Variants in ERGIC2 observed in about 807,000 individuals in gnomAD.
ERGIC2 encodes the protein ERGIC and golgi 2.
In ERGIC2, 31 loss-of-function variants were observed where a neutral mutation model predicts 52.5. The observed-to-expected ratio is 0.59, with a 90% CI of 0.44 to 0.80. The LOEUF is 0.80. Ranked by LOEUF, ERGIC2 falls within the 30% of genes least tolerant of loss-of-function variation. The pLI is 0.00. For missense variants in ERGIC2, 395 were observed against 455.2 expected, an observed-to-expected ratio of 0.87 and a Z score of 1.20; for synonymous variants, 129 against 140.6, an observed-to-expected ratio of 0.92 and a Z score of 0.58.
chr12:29,364,563 C>T (rs1271044496), intron 5 of ERGIC2, among the ~76,000 whole-genome samples: 1 of 152,000 alleles, frequency 6.6e-6, no homozygotes, highest in Non-Finnish European at 1.5e-5. Context: ...ATGACTATGT[C>T]CCCACAAGCA....
intron 7 of ERGIC2, 36 bp downstream of exon 7, chr12:29,357,587 T>A (rs1399415621): frequency 1.9e-6 from 2 of 1,068,868 alleles, no homozygotes; most frequent in Non-Finnish European, 2.8e-6. Context: ...AGTAAATTCA[T>A]AATAAACAGT....
Position 29,341,015 on chromosome 12 carries a change from T to C in ERGIC2, c.*141A>G. ...TAGAATTTCAGTTTGGGTTTTTTTA[T>C]CCTTTTTTTTCTTTTTTAAAATAAG... is the stretch of plus-strand genomic sequence containing the variant. On this transcript the variant is annotated 3_prime_UTR_variant, in exon 14 of 14. Transcript: ENST00000360150. The C allele has an allele frequency of 1.4e-6, 1 of 695,430 alleles. No individual in the cohort carries two copies. 43.1% of individuals were successfully genotyped at this position (695,430 alleles called of 1,614,324 possible). A position where few individuals can be genotyped will look rare whatever the true frequency, so the allele number is the denominator to read the frequency against.
chr12:29,363,070 C>T (rs999240402), intron 5 of ERGIC2, among the ~76,000 whole-genome samples: 5 of 152,178 alleles, frequency 3.3e-5, no homozygotes, highest in African/African-American at 4.8e-5. Flanking sequence ...TCCTAACCAC[C>T]TCGTGAATTT....
chr12:29,359,818 C>T (rs1354458743), intron 6 of ERGIC2, among the ~76,000 whole-genome samples: 1 of 151,848 alleles, frequency 6.6e-6, no homozygotes, highest in Non-Finnish European at 1.5e-5. Context: ...TATATAAAGC[C>T]TTTATAAGTG....
At chr12:29,355,066 A>G (rs1462407451) in intron 8 of ERGIC2, among the ~76,000 whole-genome samples, 1 of 152,190 alleles carries the variant, frequency 6.6e-6, no homozygotes. Context: ...TGTATTTTAT[A>G]AACTTCCAGC....
rs1417376056 is a variant in ERGIC2, at chr12:29,338,899, A to G, written c.*2257T>C. ...TGTAAAACAAAAAGGAGAATTGGGT[A>G]ACAAAGTAGGGTATCCTGGCTGGAG... On this transcript the variant is annotated 3_prime_UTR_variant, in exon 14 of 14. Coordinates refer to ENST00000360150, the MANE Select transcript of ERGIC2 (RefSeq NM_016570.3). The G allele has an allele frequency of 6.6e-6, 1 of 152,208 alleles. No homozygotes were observed. The highest frequency in any genetic ancestry group is 2.4e-5 in the African/African-American group (1 of 41,464). The allele number at this position is 152,208 out of a possible 1,614,324, so 9.4% of individuals were successfully genotyped here.
At chr12:29,368,117 C>A (rs1014416007) in intron 4 of ERGIC2, 124 bp downstream of exon 4, 1 of 654,934 alleles carries the variant, frequency 1.5e-6, no homozygotes, top group Non-Finnish European at 2.7e-6. Flanking sequence ...TTAAATAATA[C>A]CACAGTAAAA....
At position 29,338,627 on chromosome 12, in the gene ERGIC2, G is replaced by C. The variant is rs922706693; in HGVS notation, c.*2529C>G. The C allele has an allele frequency of 6.6e-6, 1 of 151,840 alleles. No individual in the cohort carries two copies. Among genetic ancestry groups the C allele is most frequent in the Non-Finnish European group, 1.5e-5 (1 of 68,028 alleles). 9.4% of individuals were successfully genotyped at this position (151,840 alleles called of 1,614,324 possible). A position where few individuals can be genotyped will look rare whatever the true frequency, so the allele number is the denominator to read the frequency against. On this transcript the variant is annotated 3_prime_UTR_variant, in exon 14 of 14. Transcript: ENST00000360150. The stretch of plus-strand genomic sequence containing the variant: ...CCACTGCACTTCAGCCTGGGCAACA[G>C]TGCGAGACCCCATCTCTTAAAAAAA...
Position 29,370,094 on chromosome 12 carries a change from A to C in ERGIC2, c.215+20T>G. The C allele has an allele frequency of 6.7e-7, 1 of 1,490,510 alleles. No individual in the cohort carries two copies. Among genetic ancestry groups the C allele is most frequent in the Non-Finnish European group, 8.9e-7 (1 of 1,129,780 alleles). 92.3% of individuals were successfully genotyped at this position (1,490,510 alleles called of 1,614,324 possible). On this transcript the variant is annotated intron_variant, in intron 3 of 13. Transcript: ENST00000360150. The stretch of plus-strand genomic sequence containing the variant: ...ACAATTTGAATCTAAAGGTATTCCA[A>C]GAAGAAAAAAAATGATTACCTAGAA...
intron 1 of ERGIC2, among the ~76,000 whole-genome samples, chr12:29,379,388 A>G (rs1940556379): frequency 6.6e-6 from 1 of 152,124 alleles, no homozygotes; most frequent in Non-Finnish European, 1.5e-5. Context: ...TTAGTCATTA[A>G]AAGAGGATAA....
chr12:29,365,864 T>C (rs1940354838), intron 5 of ERGIC2, among the ~76,000 whole-genome samples: 1 of 151,874 alleles, frequency 6.6e-6, no homozygotes, highest in African/African-American at 2.4e-5. Context: ...ATTTTTTGAG[T>C]GGGAAAACGA....
intron 2 of ERGIC2, 126 bp from the exon 3 acceptor site, chr12:29,370,348 T>A (rs1940424278): frequency 1.9e-6 from 2 of 1,055,618 alleles, no homozygotes; most frequent in African/African-American, 3.4e-5. Flanking sequence ...TCCATTTGAA[T>A]GCATACTATA....
At chr12:29,377,529 G>T (rs1940530897) in intron 1 of ERGIC2, among the ~76,000 whole-genome samples, 2 of 152,156 alleles carry the variant, frequency 1.3e-5, no homozygotes, top group South Asian at 4.1e-4. Flanking sequence ...TGAAAAGAAA[G>T]AAGTCTGTAA....
chr12:29,370,021 T>C (rs1188164209), intron 3 of ERGIC2, 93 bp downstream of exon 3: 1 of 1,195,534 alleles, frequency 8.4e-7, no homozygotes, highest in Non-Finnish European at 1.1e-6. Flanking sequence ...ACAAACCAAA[T>C]CTAGAAGGTT....
intron 12 of ERGIC2, among the ~76,000 whole-genome samples, chr12:29,342,695 T>C (rs1033006202): frequency 1.3e-5 from 2 of 152,244 alleles, no homozygotes; most frequent in Non-Finnish European, 2.9e-5. Flanking sequence ...TTTTACATAC[T>C]GTACAGTTAA....
chr12:29,368,701 T>C (rs1940398081), intron 3 of ERGIC2, among the ~76,000 whole-genome samples: 1 of 151,972 alleles, frequency 6.6e-6, no homozygotes, highest in Admixed American at 6.6e-5. Context: ...AGCATGATGC[T>C]AGATGTTCTA....
Position 29,357,492 on chromosome 12 carries a change from A to G in ERGIC2, c.476+131T>C, listed in dbSNP as rs1292295198. The G allele has an allele frequency of 1.0e-5, 6 of 596,986 alleles. No individual in the cohort carries two copies. The Admixed American group carries it at 2.1e-4, about 21-fold the overall frequency. 37.0% of individuals were successfully genotyped at this position (596,986 alleles called of 1,614,324 possible). ...AAATTTAAGAGCAAAAGGCGTCTTT[A>G]TAGTACAGAATGATTCTATTTTCCC... On this transcript the variant is annotated intron_variant, in intron 7 of 13. Transcript: ENST00000360150.
At chr12:29,363,285 T>C (rs1370035495) in intron 5 of ERGIC2, among the ~76,000 whole-genome samples, 2 of 152,174 alleles carry the variant, frequency 1.3e-5, no homozygotes, top group Non-Finnish European at 2.9e-5. Flanking sequence ...TCATAGCATA[T>C]TGTATGATCA....
At chr12:29,352,626 T>C (rs1043333838) in intron 8 of ERGIC2, among the ~76,000 whole-genome samples, 6 of 152,174 alleles carry the variant, frequency 3.9e-5, no homozygotes, top group African/African-American at 1.4e-4. Context: ...ATCACGTCAC[T>C]GTACTCCAGC....
Sources: allele counts gnomAD v4.1 joint callset (sites outside exome capture counted in the v4.1 genomes callset), GRCh38; gene constraint gnomAD v4.1.1; transcripts MANE v1.5; gene names NCBI Gene and HGNC (gene_info 2026-07-23, HGNC 2026-07-21).